The following CADM2 variants were observed in gnomAD, a reference collection of about 807,000 sequenced individuals.
The protein encoded by CADM2 is cell adhesion molecule 2.
CADM2 carries 12 observed loss-of-function variants against 49.8 expected under a neutral mutation model. The observed-to-expected ratio is 0.24, with a 90% CI of 0.15 to 0.39. The LOEUF is 0.39. Among genes scored for constraint, CADM2 ranks in the 10% least tolerant of loss-of-function variants. The pLI, the probability that CADM2 is intolerant of heterozygous loss-of-function variation, is 1.00. For synonymous variants in CADM2, 214 were observed against 175.4 expected (o/e 1.22, Z -1.74); for missense variants, 378 against 492.3 (o/e 0.77, Z 2.20).
At chr3:85,110,829 T>G (rs2038429275) in intron 1 of CADM2, among the ~76,000 whole-genome samples, 1 of 151,718 alleles carries the variant, frequency 6.6e-6, no homozygotes, top group East Asian at 1.9e-4. Context: ...GAAGGAAGGA[T>G]CTCAGCGTTT....
At chr3:85,505,597 T>C (rs2040313689) in intron 1 of CADM2, among the ~76,000 whole-genome samples, 1 of 152,174 alleles carries the variant, frequency 6.6e-6, no homozygotes, top group African/African-American at 2.4e-5. Context: ...TTTAGAGCTC[T>C]CCAGGCAGTT....
At chr3:85,666,526 A>G (rs2107621952) in intron 1 of CADM2, among the ~76,000 whole-genome samples, 2 of 152,126 alleles carry the variant, frequency 1.3e-5, no homozygotes, top group African/African-American at 2.4e-5. Flanking sequence ...TATTTAATAT[A>G]TTTTACATGA....
At chr3:85,656,218 G>A (rs547363871) in intron 1 of CADM2, among the ~76,000 whole-genome samples, 96 of 151,860 alleles carry the variant, frequency 6.3e-4, no homozygotes, top group African/African-American at 2.2e-3. Flanking sequence ...GAACATTTTT[G>A]ATAGTTTAAA....
intron 3 of CADM2, among the ~76,000 whole-genome samples, chr3:85,860,205 C>T (rs544432756): frequency 5.5e-4 from 83 of 152,180 alleles, no homozygotes; most frequent in African/African-American, 1.9e-3. Flanking sequence ...TCCATTCATT[C>T]ATTCAAAAAT....
At chr3:85,657,697 GATATATATATACACAGAT>G (rs1298548078) in intron 1 of CADM2, among the ~76,000 whole-genome samples, 7 of 54,084 alleles carry the variant, frequency 1.3e-4, no homozygotes, top group East Asian at 9.2e-4. Context: ...TATATATACA[GATATATATATACACAGAT>G]ATATATATAT....
chr3:84,980,884 T>C (rs1278691398), intron 1 of CADM2, among the ~76,000 whole-genome samples: 1 of 152,114 alleles, frequency 6.6e-6, no homozygotes, highest in African/African-American at 2.4e-5. Context: ...GAAACAAAAT[T>C]GTTAGATCCA....
intron 1 of CADM2, among the ~76,000 whole-genome samples, chr3:85,374,976 G>T: frequency 6.6e-6 from 1 of 151,806 alleles, no homozygotes; most frequent in Non-Finnish European, 1.5e-5. Context: ...TTTGATGGTT[G>T]CTCAGGAAAA....
intron 1 of CADM2, among the ~76,000 whole-genome samples, chr3:85,186,403 G>C (rs191120958): frequency 1.3e-5 from 2 of 151,914 alleles, no homozygotes; most frequent in Admixed American, 6.6e-5. Context: ...ACACAAGCAG[G>C]CTTTTTCTTA....
chr3:85,811,581 A>G (rs572832931), intron 3 of CADM2, among the ~76,000 whole-genome samples: 1 of 152,280 alleles, frequency 6.6e-6, no homozygotes, highest in South Asian at 2.1e-4. Flanking sequence ...GGGTTCCATT[A>G]TCTTTTAATC....
At chr3:85,780,734 T>G (rs551581065) in intron 2 of CADM2, among the ~76,000 whole-genome samples, 53 of 152,284 alleles carry the variant, frequency 3.5e-4, no homozygotes, top group African/African-American at 1.1e-3. Context: ...ATTTTTTTCT[T>G]GCCTTTAGAT....
At chr3:86,054,974 T>C (rs1737747743) in intron 8 of CADM2, among the ~76,000 whole-genome samples, 1 of 152,152 alleles carries the variant, frequency 6.6e-6, no homozygotes, top group African/African-American at 2.4e-5. Context: ...TTTGGTATTG[T>C]TGACATTGAA....
intron 1 of CADM2, among the ~76,000 whole-genome samples, chr3:85,063,484 C>G (rs1168581016): frequency 2.0e-5 from 3 of 151,914 alleles, no homozygotes; most frequent in African/African-American, 7.2e-5. Context: ...CACAAGATAG[C>G]ATAAATCTTA....
At chr3:85,384,325 TA>T (rs1253884480) in intron 1 of CADM2, among the ~76,000 whole-genome samples, 10 of 152,210 alleles carry the variant, frequency 6.6e-5, no homozygotes, top group African/African-American at 1.9e-4. Flanking sequence ...TTTTTTGTTT[TA>T]TTTTTTTAAG....
intron 1 of CADM2, among the ~76,000 whole-genome samples, chr3:85,505,030 G>C (rs1050772537): frequency 6.6e-6 from 1 of 152,112 alleles, no homozygotes; most frequent in Non-Finnish European, 1.5e-5. Context: ...AGCGCCGCGC[G>C]CAGCCCCGGT....
intron 1 of CADM2, among the ~76,000 whole-genome samples, chr3:85,559,533 G>A (rs2062037669): frequency 6.6e-6 from 1 of 151,882 alleles, no homozygotes; most frequent in Non-Finnish European, 1.5e-5. Flanking sequence ...CCTTGACTAA[G>A]TTTGGTGAAA....
At chr3:85,295,274 T>TA (rs1325510064) in intron 1 of CADM2, among the ~76,000 whole-genome samples, 1 of 151,394 alleles carries the variant, frequency 6.6e-6, no homozygotes, top group African/African-American at 2.4e-5. Context: ...TGGCAATCAT[T>TA]AAAAAGTCAG....
intron 3 of CADM2, among the ~76,000 whole-genome samples, chr3:85,812,036 T>C (rs1215519799): frequency 1.3e-5 from 2 of 152,232 alleles, no homozygotes; most frequent in Admixed American, 6.6e-5. Context: ...AAAATATTGC[T>C]ATGCCCTGGG....
chr3:85,635,440 A>T (rs1445790019), intron 1 of CADM2, among the ~76,000 whole-genome samples: 1 of 152,162 alleles, frequency 6.6e-6, no homozygotes, highest in African/African-American at 2.4e-5. Flanking sequence ...AAGTACAGTG[A>T]TTTTTAAAGT....
At chr3:85,120,388 A>G (rs2038810972) in intron 1 of CADM2, among the ~76,000 whole-genome samples, 1 of 152,184 alleles carries the variant, frequency 6.6e-6, no homozygotes, top group Non-Finnish European at 1.5e-5. Context: ...GTACACGTAT[A>G]TTTATTGTAG....
Sources: gnomAD v4.1 joint callset for allele counts (sites outside exome capture counted in the v4.1 genomes callset) on GRCh38, gnomAD v4.1.1 for gene constraint, MANE v1.5 for transcripts, NCBI Gene and HGNC (gene_info 2026-07-23, HGNC 2026-07-21) for gene names.